CTNNA2: variants seen among roughly 807,000 people sequenced by gnomAD.
CTNNA2 encodes catenin alpha-2.
A neutral mutation model predicts 101.0 loss-of-function variants in CTNNA2; 42 were observed. The ratio of observed to expected loss-of-function variants is 0.42; its 90% CI spans 0.32 to 0.54. The LOEUF (loss-of-function observed/expected upper bound fraction) is 0.54, where lower values mean the gene tolerates loss of function less well. Among genes scored for constraint, CTNNA2 ranks in the 20% least tolerant of loss-of-function variants. The pLI is 0.14. For missense variants in CTNNA2, 871 were observed against 1,223.1 expected (o/e 0.71, Z 4.29); for synonymous variants, 450 against 456.4 (o/e 0.99, Z 0.18).
chr2:79,666,194 T>G (rs1441661410), intron 2 of CTNNA2, among the ~76,000 whole-genome samples: 2 of 152,226 alleles, frequency 1.3e-5, no homozygotes, highest in African/African-American at 4.8e-5. Context: ...TCATATGGGC[T>G]TCTTTCCCAG....
chr2:79,402,436 C>G (rs911813399), intron 4 of CTNNA2, among the ~76,000 whole-genome samples: 1 of 151,722 alleles, frequency 6.6e-6, no homozygotes. Context: ...ACTACTGGAC[C>G]TTATATATGT....
intron 2 of CTNNA2, among the ~76,000 whole-genome samples, chr2:79,205,130 G>A (rs1466945915): frequency 6.6e-6 from 1 of 152,176 alleles, no homozygotes; most frequent in Admixed American, 6.5e-5. Flanking sequence ...AAGGTTATAT[G>A]GCTTCTTTGT....
chr2:79,675,795 A>G (rs1265495716), intron 2 of CTNNA2, among the ~76,000 whole-genome samples: 1 of 152,196 alleles, frequency 6.6e-6, no homozygotes, highest in African/African-American at 2.4e-5. Flanking sequence ...TAATGCACGA[A>G]TATGTTTCTG....
In CTNNA2 at chr2:79,792,339, T is replaced by C. The variant is rs113859815; in HGVS notation, c.298+47757T>C. 4.4e-4 allele frequency among the ~76,000 whole-genome samples: 67 copies of C among 152,274 alleles called. 1 individual carries two copies. Among genetic ancestry groups the C allele is most frequent in the Admixed American group, 2.9e-3 (45 of 15,288 alleles). ...GAGCAGAGGACAGACATGTTTGCTA[T>C]CCATAAAAAACAGTGTTTCTCTAAG... On this transcript the variant is annotated intron_variant, in intron 3 of 18. Coordinates refer to ENST00000402739, the MANE Select transcript of CTNNA2 (RefSeq NM_001282597.3).
In CTNNA2 at chr2:79,359,651, C is replaced by T. The variant is rs186624198; in HGVS notation, c.-317-14180C>T. Reference sequence around the variant, plus strand: ...GAGGATTAGGAGCAGCTGCGTAGAGCTAGGAGAAATTCCTAGATCACTTAC... The same window carrying T: ...GAGGATTAGGAGCAGCTGCGTAGAGTTAGGAGAAATTCCTAGATCACTTAC... On this transcript the variant is annotated intron_variant, in intron 3 of 21. Coordinates refer to the CTNNA2 transcript ENST00000466387. 1.7e-3 allele frequency among the ~76,000 whole-genome samples: 266 copies of T among 152,274 alleles called. 3 individuals carry two copies. The highest frequency in any genetic ancestry group is 5.2e-3 in the African/African-American group (218 of 41,550).
At chr2:79,833,136 A>C (rs369902584) in intron 3 of CTNNA2, among the ~76,000 whole-genome samples, 1 of 152,342 alleles carries the variant, frequency 6.6e-6, no homozygotes, top group East Asian at 1.9e-4. Flanking sequence ...GAATTTCCTC[A>C]AAAGCTCAAT....
chr2:79,754,513 A>G (rs1220319439), intron 3 of CTNNA2, among the ~76,000 whole-genome samples: 3 of 152,074 alleles, frequency 2.0e-5, no homozygotes, highest in African/African-American at 7.2e-5. Flanking sequence ...ATAAATACAT[A>G]AAGCAGCACA....
intron 2 of CTNNA2, among the ~76,000 whole-genome samples, chr2:79,739,009 C>T (rs1351285854): frequency 6.6e-6 from 1 of 151,802 alleles, no homozygotes; most frequent in Non-Finnish European, 1.5e-5. Context: ...AACATCAGCT[C>T]CATCTTTACA....
At chr2:79,871,820 G>C (rs1682604272) in intron 5 of CTNNA2, among the ~76,000 whole-genome samples, 1 of 152,168 alleles carries the variant, frequency 6.6e-6, no homozygotes, top group Admixed American at 6.5e-5. Context: ...GAGAAGTGTT[G>C]CCTGGAGATG....
intron 7 of CTNNA2, among the ~76,000 whole-genome samples, chr2:80,383,767 GC>G (rs1676736086): frequency 6.7e-6 from 1 of 150,022 alleles, no homozygotes; most frequent in Non-Finnish European, 1.5e-5. Context: ...TAACATACAG[GC>G]CCAAGAAAAA....
intron 9 of CTNNA2, among the ~76,000 whole-genome samples, chr2:80,500,135 A>G (rs1021952531): frequency 1.3e-5 from 2 of 152,218 alleles, no homozygotes; most frequent in African/African-American, 4.8e-5. Flanking sequence ...ATTTAGCCAT[A>G]TTATGCAGCC....
intron 15 of CTNNA2, among the ~76,000 whole-genome samples, chr2:80,591,457 G>GTTTCTTTTTTTTTTTTTTTTTTTT (rs1696485831): frequency 1.4e-5 from 1 of 70,314 alleles, no homozygotes; most frequent in Non-Finnish European, 3.0e-5. Context: ...TGCACAGCCT[G>GTTTCTTTTTTTTTTTTTTTTTTTT]TTTTTTTTTT....
intron 2 of CTNNA2, among the ~76,000 whole-genome samples, chr2:79,741,714 T>C (rs1274332622): frequency 1.3e-5 from 2 of 151,478 alleles, no homozygotes. Context: ...ACCTTGCTCT[T>C]CACTCTTGTA....
At chr2:80,339,174 C>CGTGT (rs112205278) in intron 7 of CTNNA2, among the ~76,000 whole-genome samples, 1 of 151,816 alleles carries the variant, frequency 6.6e-6, no homozygotes, top group Non-Finnish European at 1.5e-5. Flanking sequence ...AATAATATAA[C>CGTGT]GTGTGTGTGT....
intron 18 of CTNNA2, among the ~76,000 whole-genome samples, chr2:80,641,918 T>TGTTATACACCTACAGTATGC (rs1232103673): frequency 6.6e-6 from 1 of 152,136 alleles, no homozygotes; most frequent in East Asian, 1.9e-4. Context: ...AAATCAAACA[T>TGTTATACACCTACAGTATGC]GTTATACACC....
intron 2 of CTNNA2, among the ~76,000 whole-genome samples, chr2:79,213,949 A>G (rs555830380): frequency 2.2e-4 from 33 of 152,326 alleles, no homozygotes; most frequent in African/African-American, 5.1e-4. Flanking sequence ...CATGAGGGCT[A>G]GGCTAAAACA....
intron 17 of CTNNA2, chr2:80,618,569 C>G (rs1699040876): frequency 6.6e-6 from 1 of 151,874 alleles, no homozygotes; most frequent in South Asian, 2.1e-4. Context: ...CTTCAGTGAT[C>G]CCAATGAAAG....
chr2:80,347,874 C>T (rs990734722), intron 7 of CTNNA2, among the ~76,000 whole-genome samples: 1 of 145,772 alleles, frequency 6.9e-6, no homozygotes, highest in Non-Finnish European at 1.5e-5. Context: ...TTGTTTAAAG[C>T]CCTGTTTCCC....
intron 17 of CTNNA2, among the ~76,000 whole-genome samples, chr2:80,611,536 T>C (rs1395459516): frequency 6.6e-6 from 1 of 151,636 alleles, no homozygotes; most frequent in African/African-American, 2.4e-5. Flanking sequence ...GGGTATTACC[T>C]GTATATTTAA....
Sources: allele counts gnomAD v4.1 joint callset (sites outside exome capture counted in the v4.1 genomes callset), GRCh38; gene constraint gnomAD v4.1.1; transcripts MANE v1.5; gene names NCBI Gene and HGNC (gene_info 2026-07-23, HGNC 2026-07-21).